The following POLDIP3 variants were observed in gnomAD, a reference collection of about 807,000 sequenced individuals.
The protein encoded by POLDIP3 is polymerase delta-interacting protein 3.
A neutral mutation model predicts 45.1 loss-of-function variants in POLDIP3; 14 were observed. The observed-to-expected ratio is 0.31, with a 90% CI of 0.20 to 0.49. POLDIP3 has a LOEUF of 0.49. Ranked by LOEUF, POLDIP3 falls within the 20% of genes least tolerant of loss-of-function variation. POLDIP3 has a pLI of 0.99. For missense variants in POLDIP3, 511 were observed against 538.8 expected (o/e 0.95, Z 0.51); for synonymous variants, 223 against 205.2 (o/e 1.09, Z -0.74).
At chr22:42,601,414 C>A (rs1601898159) in intron 3 of POLDIP3, among the ~76,000 whole-genome samples, 1 of 147,376 alleles carries the variant, frequency 6.8e-6, no homozygotes, top group Non-Finnish European at 1.5e-5. Flanking sequence ...TTAAAAAAAA[C>A]AAACAAAACT....
In POLDIP3 at chr22:42,602,764, A is replaced by T; in HGVS notation, c.450+6T>A. The T allele has an allele frequency of 6.3e-7, 1 of 1,585,860 alleles. No homozygotes were observed. The highest frequency in any genetic ancestry group is 1.1e-5 in the South Asian group (1 of 88,296). On this transcript the variant is annotated splice_donor_region_variant and intron_variant, in intron 2 of 8. Coordinates refer to ENST00000252115, the MANE Select transcript of POLDIP3 (RefSeq NM_032311.5). Reference sequence around the variant, plus strand: ...CTGGGAATTCATGACAAAAGCCACAACTCACCTGGATGGTTTTGGTGAGCT... The same window carrying T: ...CTGGGAATTCATGACAAAAGCCACATCTCACCTGGATGGTTTTGGTGAGCT...
chr22:42,603,303 T>C, intron 1 of POLDIP3, 143 bp from the exon 2 acceptor site: 1 of 812,294 alleles, frequency 1.2e-6, no homozygotes, highest in Non-Finnish European at 1.9e-6. Flanking sequence ...AATAAACGAT[T>C]ATGCCTACAT....
At chr22:42,599,612 C>CA (rs914021749) in intron 4 of POLDIP3, 86 bp downstream of exon 4, 183 of 1,059,210 alleles carry the variant, frequency 1.7e-4, no homozygotes, top group Non-Finnish European at 2.2e-4. Context: ...CGTCTCAAAA[C>CA]AAAAAAAACA....
intron 7 of POLDIP3, among the ~76,000 whole-genome samples, chr22:42,591,545 T>G (rs1925669236): frequency 6.6e-6 from 1 of 152,092 alleles, no homozygotes; most frequent in Non-Finnish European, 1.5e-5. Context: ...CTCAAGTCAA[T>G]AAAGTCTGTT....
chr22:42,612,885 T>C lies in POLDIP3; in HGVS notation c.59+1914A>G, dbSNP rs146142400. ...AATCCCGCTCAACCAGGAATCACCA[T>C]TCCAAGTGAGGAAACTGCCTAGTTC... On this transcript the variant is annotated intron_variant, in intron 1 of 8. Transcript: ENST00000252115. Among the ~76,000 whole-genome samples, 1,289 of 152,226 alleles carry C rather than the reference T, an allele frequency of 8.5e-3. 21 individuals carry two copies. Among genetic ancestry groups the C allele is most frequent in the African/African-American group, 0.03 (1,251 of 41,544 alleles).
At chr22:42,596,040 A>C in intron 5 of POLDIP3, 146 bp downstream of exon 5, 1 of 833,096 alleles carries the variant, frequency 1.2e-6, no homozygotes. Flanking sequence ...CTTTGAGGGT[A>C]AGAGTCCCTA....
At chr22:42,607,727 C>G (rs1173636529) in intron 1 of POLDIP3, among the ~76,000 whole-genome samples, 6 of 151,686 alleles carry the variant, frequency 4.0e-5, no homozygotes, top group Non-Finnish European at 2.9e-5. Context: ...GCTGCCCCGT[C>G]TGGGATGTGA....
At chr22:42,586,430 C>A (rs1254499087) in intron 8 of POLDIP3, among the ~76,000 whole-genome samples, 1 of 152,010 alleles carries the variant, frequency 6.6e-6, no homozygotes, top group African/African-American at 2.4e-5. Flanking sequence ...CAGGCTCAAG[C>A]GATCCTCCCA....
At chr22:42,595,690 C>A in intron 5 of POLDIP3, 76 bp from the exon 6 acceptor site, 1 of 1,374,650 alleles carries the variant, frequency 7.3e-7, no homozygotes. Context: ...CCTCCAGGCA[C>A]GTGACTAGGA....
intron 1 of POLDIP3, among the ~76,000 whole-genome samples, chr22:42,613,676 G>A (rs1927268146): frequency 1.3e-5 from 2 of 152,074 alleles, no homozygotes; most frequent in African/African-American, 4.8e-5. Context: ...CAGGAGAATC[G>A]CTGGAACCGG....
At chr22:42,604,925 C>G (rs1439895028) in intron 1 of POLDIP3, among the ~76,000 whole-genome samples, 5 of 152,154 alleles carry the variant, frequency 3.3e-5, no homozygotes, top group Admixed American at 2.0e-4. Flanking sequence ...GTCATGAGGA[C>G]AGAGACTTCA....
intron 4 of POLDIP3, chr22:42,597,841 C>T (rs1364121427): frequency 4.0e-5 from 17 of 429,330 alleles, no homozygotes; most frequent in Admixed American, 1.2e-4. Context: ...AGTGCAGTGG[C>T]GCAATCTTGG....
At chr22:42,586,499 G>A (rs1925323745) in intron 8 of POLDIP3, among the ~76,000 whole-genome samples, 2 of 151,998 alleles carry the variant, frequency 1.3e-5, no homozygotes, top group Admixed American at 1.3e-4. Flanking sequence ...GGCTAATTGT[G>A]GTTTTAAGTT....
intron 7 of POLDIP3, among the ~76,000 whole-genome samples, chr22:42,590,720 G>A (rs1227918725): frequency 6.6e-6 from 1 of 152,214 alleles, no homozygotes; most frequent in Admixed American, 6.5e-5. Context: ...TTAAGAATAT[G>A]TAAAGTACTT....
intron 1 of POLDIP3, among the ~76,000 whole-genome samples, chr22:42,611,540 T>C (rs1345347608): frequency 7.2e-5 from 11 of 152,188 alleles, no homozygotes; most frequent in East Asian, 1.9e-4. Context: ...CTTCCTGGAA[T>C]ATCCATGCAA....
intron 8 of POLDIP3, among the ~76,000 whole-genome samples, chr22:42,586,282 A>G (rs1455859330): frequency 6.6e-6 from 1 of 151,918 alleles, no homozygotes; most frequent in Non-Finnish European, 1.5e-5. Context: ...TGTTTTTCTT[A>G]TTTACTGATG....
chr22:42,612,840 A>G lies in POLDIP3; in HGVS notation c.59+1959T>C, dbSNP rs546206407. Among the ~76,000 whole-genome samples the G allele has an allele frequency of 2.8e-4, 43 of 152,192 alleles. 1 individual carries two copies. In the East Asian group the frequency reaches 6.2e-3, roughly 22 times the overall value. On this transcript the variant is annotated intron_variant, in intron 1 of 8. Coordinates refer to ENST00000252115, the MANE Select transcript of POLDIP3 (RefSeq NM_032311.5). ...GACTCCCTCTCAAAAAAACAAACAA[A>G]AAAAACCCTTCTCACATTTAATCCC...
Position 42,602,166 on chromosome 22 carries a change from T to G in POLDIP3, c.451-110A>C, listed in dbSNP as rs891426038. The G allele has an allele frequency of 5.8e-6, 9 of 1,544,734 alleles. No homozygotes were observed. In the African/African-American group the frequency reaches 1.1e-4, roughly 19 times the overall value. ...GTGGGCATGCAGCTTTGGTCTTTGGTAAAAGGCACTACAGAGGGCCTTATC... is the reference window on the plus strand; with the variant it reads ...GTGGGCATGCAGCTTTGGTCTTTGGGAAAAGGCACTACAGAGGGCCTTATC... On this transcript the variant is annotated intron_variant, in intron 2 of 8. Coordinates refer to ENST00000252115, the MANE Select transcript of POLDIP3 (RefSeq NM_032311.5).
chr22:42,602,265 G>A (rs1286504497), intron 2 of POLDIP3, among the ~76,000 whole-genome samples: 1 of 152,216 alleles, frequency 6.6e-6, no homozygotes, highest in African/African-American at 2.4e-5. Context: ...GGGCTTAATG[G>A]ACTTGGCTCA....
Sources: allele counts gnomAD v4.1 joint callset (sites outside exome capture counted in the v4.1 genomes callset), GRCh38; gene constraint gnomAD v4.1.1; transcripts MANE v1.5; gene names NCBI Gene and HGNC (gene_info 2026-07-23, HGNC 2026-07-21).